Variants in ADAM18 observed in about 807,000 individuals in gnomAD.
ADAM18 encodes disintegrin and metalloproteinase domain-containing protein 18.
In ADAM18, 117 loss-of-function variants were observed where a neutral mutation model predicts 94.4. That is an observed-to-expected ratio of 1.24 (90% CI 1.07 to 1.45). ADAM18 has a LOEUF of 1.45. ADAM18 is among the 40% of genes most tolerant of loss of function. The pLI, the probability that ADAM18 is intolerant of heterozygous loss-of-function variation, is 0.00. For missense variants in ADAM18, 936 were observed against 880.0 expected, an observed-to-expected ratio of 1.06 and a Z score of -0.81; for synonymous variants, 327 against 291.6, an observed-to-expected ratio of 1.12 and a Z score of -1.24.
At chr8:39,657,335 C>T (rs1820715829) in intron 12 of ADAM18, among the ~76,000 whole-genome samples, 1 of 152,198 alleles carries the variant, frequency 6.6e-6, no homozygotes, top group Admixed American at 6.5e-5. Context: ...TTTTTTGAGA[C>T]AGCCTTGCTT....
At chr8:39,623,529 T>A (rs1310278231) in intron 6 of ADAM18, among the ~76,000 whole-genome samples, 1 of 151,862 alleles carries the variant, frequency 6.6e-6, no homozygotes, top group African/African-American at 2.4e-5. Context: ...TTTAGTTTTT[T>A]AATAATGACC....
At chr8:39,673,035 A>C (rs928230273) in intron 14 of ADAM18, among the ~76,000 whole-genome samples, 1 of 152,154 alleles carries the variant, frequency 6.6e-6, no homozygotes. Context: ...TGGGGCTTTA[A>C]TGTGTTTGAT....
intron 7 of ADAM18, among the ~76,000 whole-genome samples, chr8:39,632,719 AT>A (rs141640581): frequency 0.035 from 5,401 of 152,240 alleles, 245 homozygotes; most frequent in African/African-American, 0.11. Flanking sequence ...GAATTTAGAT[AT>A]TATGAGTATG....
rs71237188 is a variant in ADAM18 at position 39,701,117 on chromosome 8, C to CAAAAAAAAAAA, written c.1903-5651_1903-5641dup. 5.8e-4 allele frequency among the ~76,000 whole-genome samples: 20 copies of CAAAAAAAAAAA among 34,564 alleles called. 2 individuals are homozygous for CAAAAAAAAAAA. Among genetic ancestry groups the CAAAAAAAAAAA allele is most frequent in the Admixed American group, 1.7e-3 (3 of 1,728 alleles). The allele number at this position is 34,564 out of a possible 152,430, so 22.7% of individuals were successfully genotyped here. On this transcript the variant is annotated intron_variant, in intron 17 of 19. Coordinates refer to ENST00000265707, the MANE Select transcript of ADAM18 (RefSeq NM_014237.3). The stretch of plus-strand genomic sequence containing the variant: ...TGGGCGACAGAGCAAGACTCTGTCT[C>CAAAAAAAAAAA]AAAAAAAAAAAAAAAAAAAAAAAAA...
intron 17 of ADAM18, 100 bp from the exon 18 acceptor site, chr8:39,706,686 ATAAT>A: frequency 3.7e-6 from 2 of 545,242 alleles, no homozygotes; most frequent in Non-Finnish European, 6.4e-6. Context: ...TTAAGAAAAA[ATAAT>A]TATTCTATGA....
At chr8:39,679,616 G>A (rs1821387944) in intron 15 of ADAM18, among the ~76,000 whole-genome samples, 1 of 152,170 alleles carries the variant, frequency 6.6e-6, no homozygotes, top group African/African-American at 2.4e-5. Flanking sequence ...TAGGTATCAT[G>A]ACAGGAATGA....
At chr8:39,612,210 A>G (rs555498865) in intron 6 of ADAM18, among the ~76,000 whole-genome samples, 1 of 151,690 alleles carries the variant, frequency 6.6e-6, no homozygotes, top group East Asian at 1.9e-4. Flanking sequence ...CCGGAAAACC[A>G]GACAAAGAAG....
intron 11 of ADAM18, among the ~76,000 whole-genome samples, chr8:39,645,829 C>T (rs1243674584): frequency 2.6e-5 from 4 of 152,002 alleles, no homozygotes; most frequent in African/African-American, 9.7e-5. Context: ...TTATATACTC[C>T]AGGTAGAAGA....
intron 13 of ADAM18, among the ~76,000 whole-genome samples, chr8:39,664,994 G>A (rs189721428): frequency 2.6e-5 from 4 of 152,058 alleles, no homozygotes; most frequent in African/African-American, 9.6e-5. Context: ...ATATTCCCAA[G>A]TGTCAGAAGA....
At chr8:39,709,755 C>T (rs1205824587) in intron 18 of ADAM18, among the ~76,000 whole-genome samples, 1 of 152,110 alleles carries the variant, frequency 6.6e-6, no homozygotes, top group Admixed American at 6.6e-5. Context: ...TACTGGAAAG[C>T]AGTAGCTTTA....
Position 39,723,776 on chromosome 8 carries a change from T to C in ADAM18, c.2046T>C (p.Asn682=). ...ACTTTTATACTGAAAAAGGCTACAA[T>C]ACACACTGGAACAACTGGTTTATTC... ...SGDFYTEKGY[N]THWNNWFILS... The change falls in exon 19 of 20, where the codon AAT becomes AAC. Residue 682 remains asparagine (N), a synonymous_variant. Transcript: ENST00000265707. 6.4e-7 allele frequency: 1 copy of C among 1,574,160 alleles called. No individual in the cohort carries two copies. Among genetic ancestry groups the C allele is most frequent in the Non-Finnish European group, 8.6e-7 (1 of 1,161,586 alleles).
rs199753227 is a variant in ADAM18, at chr8:39,611,952, G to GA, written c.522+1252dup. ...AAGAAATCAAAACATACTTGATAGA[G>GA]AAAAAATCACTTAACCACAAAGGAA... On this transcript the variant is annotated intron_variant, in intron 6 of 19. Transcript: ENST00000265707. Among the ~76,000 whole-genome samples the GA allele has an allele frequency of 4.6e-5, 7 of 151,548 alleles. No homozygotes were observed. The East Asian group carries it at 7.7e-4, about 17-fold the overall frequency.
At chr8:39,678,627 G>C (rs1296607303) in intron 15 of ADAM18, among the ~76,000 whole-genome samples, 9 of 152,086 alleles carry the variant, frequency 5.9e-5, no homozygotes, top group Non-Finnish European at 1.3e-4. Context: ...GACAGAAGAT[G>C]GTGGCATGAC....
intron 2 of ADAM18, among the ~76,000 whole-genome samples, chr8:39,595,281 C>G (rs996437291): frequency 1.3e-5 from 2 of 152,136 alleles, no homozygotes; most frequent in African/African-American, 4.8e-5. Context: ...AGGTGAAGCA[C>G]AGGGCTGACT....
intron 18 of ADAM18, among the ~76,000 whole-genome samples, 163 bp downstream of exon 18, chr8:39,707,067 G>A (rs909698409): frequency 4.6e-5 from 7 of 152,194 alleles, no homozygotes; most frequent in African/African-American, 1.4e-4. Flanking sequence ...GCCTGAAACT[G>A]TAGATAGCAC....
intron 7 of ADAM18, 21 bp from the exon 8 acceptor site, chr8:39,637,243 A>G: frequency 6.5e-7 from 1 of 1,532,972 alleles, no homozygotes; most frequent in Non-Finnish European, 8.9e-7. Context: ...ACTTTCATGA[A>G]AAATAAAATT....
chr8:39,587,103 G>A (rs558947482), intron 2 of ADAM18, among the ~76,000 whole-genome samples: 11 of 152,108 alleles, frequency 7.2e-5, no homozygotes, highest in South Asian at 4.1e-4. Flanking sequence ...CATATCTAAC[G>A]TAGACATTTT....
intron 19 of ADAM18, among the ~76,000 whole-genome samples, chr8:39,728,165 C>T (rs577519990): frequency 7.3e-4 from 111 of 152,212 alleles, no homozygotes; most frequent in Admixed American, 1.2e-3. Context: ...GGGAGATTCA[C>T]CCCATGATAC....
At chr8:39,641,135 G>A (rs1820225596) in intron 10 of ADAM18, among the ~76,000 whole-genome samples, 1 of 152,026 alleles carries the variant, frequency 6.6e-6, no homozygotes, top group Non-Finnish European at 1.5e-5. Context: ...GGGTTTTTCA[G>A]TTTGGGGTTT....
Sources: gnomAD v4.1 joint callset for allele counts (sites outside exome capture counted in the v4.1 genomes callset) on GRCh38, gnomAD v4.1.1 for gene constraint, MANE v1.5 for transcripts, NCBI Gene and HGNC (gene_info 2026-07-23, HGNC 2026-07-21) for gene names.